The following ZNF560 variants were observed in gnomAD, a reference collection of about 807,000 sequenced individuals.
ZNF560 encodes the protein zinc finger protein 560.
ZNF560 carries 54 observed loss-of-function variants against 81.8 expected under a neutral mutation model. The ratio of observed to expected loss-of-function variants is 0.66; its 90% CI spans 0.53 to 0.83. The LOEUF (loss-of-function observed/expected upper bound fraction) is 0.83. Ranked by LOEUF, ZNF560 falls within the 40% of genes least tolerant of loss-of-function variation. ZNF560 has a pLI of 0.00. For missense variants in ZNF560, 940 were observed against 932.4 expected (o/e 1.01, Z -0.11); for synonymous variants, 321 against 317.9 (o/e 1.01, Z -0.10).
At chr19:9,506,484 G>C in the ZNF560 span, among the ~76,000 whole-genome samples, 1 of 127,498 alleles carries the variant, frequency 7.8e-6, no homozygotes, top group African/African-American at 2.9e-5. Context: ...AATTTTTATT[G>C]ATTTTTAAAA....
At position 9,470,395 on chromosome 19, in the gene ZNF560, C is replaced by T. The variant is rs767708391; in HGVS notation, c.445G>A (p.Val149Ile). ...MLENYKNLSS[V>I]GYQLFKPSLI... ...CAAGGGATGATGCCAGACTTACCTA[C>T]TGAGGACAGGTTCTTGTAGTTCTCC... The change falls in exon 7 of 10, where the codon GTA becomes ATA. Residue 149 changes from valine to isoleucine, a missense_variant. Physicochemically the swap from Val to Ile is conservative, Grantham distance 29. Transcript: ENST00000301480. 14 of 1,610,334 alleles carry T rather than the reference C, an allele frequency of 8.7e-6. No homozygotes were observed. Among genetic ancestry groups the T allele is most frequent in the Admixed American group, 1.7e-5 (1 of 59,596 alleles).
intron 2 of ZNF560, among the ~76,000 whole-genome samples, chr19:9,482,016 A>G (rs1190398022): frequency 6.6e-6 from 1 of 152,244 alleles, no homozygotes; most frequent in Non-Finnish European, 1.5e-5. Flanking sequence ...AAACACTTGG[A>G]ACCAACCCAA....
intron 2 of ZNF560, among the ~76,000 whole-genome samples, chr19:9,492,409 G>A (rs1352224995): frequency 6.6e-6 from 1 of 152,164 alleles, no homozygotes; most frequent in Non-Finnish European, 1.5e-5. Context: ...GATTTGTATA[G>A]AGGCAGATTT....
chr19:9,458,718 A>C, the ZNF560 span, among the ~76,000 whole-genome samples: 4 of 152,212 alleles, frequency 2.6e-5, no homozygotes, highest in Non-Finnish European at 5.9e-5. Flanking sequence ...TGCAATATCT[A>C]ATGCTAGACA....
chr19:9,483,453 G>A (rs1359874176), intron 2 of ZNF560, among the ~76,000 whole-genome samples: 13 of 151,104 alleles, frequency 8.6e-5, no homozygotes, highest in Admixed American at 5.3e-4. Context: ...GAAGTGAGGA[G>A]CGTCTCCGCC....
Position 9,485,161 on chromosome 19 carries a change from T to C in ZNF560, c.-56-9792A>G, listed in dbSNP as rs10405592. On this transcript the variant is annotated intron_variant, in intron 2 of 9. Transcript: ENST00000301480. The stretch of plus-strand genomic sequence containing the variant: ...CTTCATGGCTGAATTATATAAGACA[T>C]CTAAGAATATCTAAACCAATCCTTC... Among the ~76,000 whole-genome samples the C allele has an allele frequency of 7.3e-3, 1,112 of 152,220 alleles. 12 individuals carry two copies. Among genetic ancestry groups the C allele is most frequent in the African/African-American group, 0.026 (1,076 of 41,524 alleles).
chr19:9,482,114 G>A (rs1341408773), intron 2 of ZNF560, among the ~76,000 whole-genome samples: 1 of 152,150 alleles, frequency 6.6e-6, no homozygotes, highest in African/African-American at 2.4e-5. Context: ...ATGAGTTCAT[G>A]TCCTTTGTAG....
In ZNF560 at chr19:9,468,264, C is replaced by T; in HGVS notation, c.683G>A (p.Cys228Tyr). ...TTGAGTACTCATGTTGGTCTTAAGGCATGGATGTTTACAGAAGACATCTTC... is the reference window on the plus strand; with the variant it reads ...TTGAGTACTCATGTTGGTCTTAAGGTATGGATGTTTACAGAAGACATCTTC... The part of the protein sequence containing the change: ...QCEDVFCKHP[C>Y]LKTNMSTQNR... The change falls in exon 10 of 10, where the codon TGC (cysteine) becomes TAC (tyrosine). Residue 228 changes from cysteine (C) to tyrosine (Y), a missense_variant. Cys to Tyr is a radical substitution (Grantham distance 194, BLOSUM62 -2). Coordinates refer to ENST00000301480, the MANE Select transcript of ZNF560 (RefSeq NM_152476.3). 6.2e-7 allele frequency: 1 copy of T among 1,613,708 alleles called. No individual in the cohort carries two copies. The highest frequency in any genetic ancestry group is 8.5e-7 in the Non-Finnish European group (1 of 1,179,894).
chr19:9,457,346 TAGCTC>T, the ZNF560 span, among the ~76,000 whole-genome samples: 5 of 152,218 alleles, frequency 3.3e-5, no homozygotes, highest in African/African-American at 4.8e-5. Flanking sequence ...ACTATCCCCT[TAGCTC>T]AGCAGGACTG....
chr19:9,486,286 G>A (rs2073383582), intron 2 of ZNF560, among the ~76,000 whole-genome samples: 1 of 152,100 alleles, frequency 6.6e-6, no homozygotes, highest in Non-Finnish European at 1.5e-5. Flanking sequence ...AAGACTCTTG[G>A]CCAACACTCG....
At chr19:9,504,224 C>A in the ZNF560 span, among the ~76,000 whole-genome samples, 1 of 152,044 alleles carries the variant, frequency 6.6e-6, no homozygotes, top group East Asian at 1.9e-4. Context: ...CATTTGAGGT[C>A]AGGAGTTGGA....
chr19:9,477,200 T>C (rs2073216048), intron 2 of ZNF560, among the ~76,000 whole-genome samples: 1 of 152,152 alleles, frequency 6.6e-6, no homozygotes, highest in Non-Finnish European at 1.5e-5. Context: ...TACACATACA[T>C]ATGTGCATAT....
the ZNF560 span, among the ~76,000 whole-genome samples, chr19:9,504,884 A>G: frequency 6.6e-6 from 1 of 152,170 alleles, no homozygotes; most frequent in Non-Finnish European, 1.5e-5. Flanking sequence ...CAAGAGATTG[A>G]GACCATCCTG....
At chr19:9,455,137 C>A in the ZNF560 span, among the ~76,000 whole-genome samples, 9 of 152,152 alleles carry the variant, frequency 5.9e-5, no homozygotes, top group African/African-American at 2.2e-4. Flanking sequence ...TGGAAGTTCC[C>A]TGTTAGGATA....
At chr19:9,474,813 C>T (rs576460762) in intron 3 of ZNF560, among the ~76,000 whole-genome samples, 1 of 147,524 alleles carries the variant, frequency 6.8e-6, no homozygotes, top group South Asian at 2.2e-4. Flanking sequence ...CATGCACCAC[C>T]ATGCCTGGCA....
At chr19:9,461,393 G>T (rs1454591532), downstream of ZNF560, among the ~76,000 whole-genome samples, 1 of 152,054 alleles carries the variant, frequency 6.6e-6, no homozygotes, top group East Asian at 1.9e-4. Flanking sequence ...TCCCATCCTT[G>T]GGAACCCTCT....
chr19:9,463,747 A>T (rs2072971792), downstream of ZNF560, among the ~76,000 whole-genome samples: 1 of 152,208 alleles, frequency 6.6e-6, no homozygotes, highest in Admixed American at 6.5e-5. Flanking sequence ...CAATGGCACG[A>T]TCTGAGCTCA....
At chr19:9,455,259 G>A in the ZNF560 span, among the ~76,000 whole-genome samples, 3 of 152,140 alleles carry the variant, frequency 2.0e-5, no homozygotes, top group Non-Finnish European at 2.9e-5. Flanking sequence ...TTCTCCTTTC[G>A]TGATGGGTCT....
intron 3 of ZNF560, among the ~76,000 whole-genome samples, chr19:9,474,825 T>A (rs921236506): frequency 7.0e-4 from 73 of 104,136 alleles, no homozygotes; most frequent in South Asian, 3.0e-3. Flanking sequence ...TGCCTGGCAT[T>A]TTTTTTTTTT....
Sources: allele counts gnomAD v4.1 joint callset (sites outside exome capture counted in the v4.1 genomes callset), GRCh38; gene constraint gnomAD v4.1.1; transcripts MANE v1.5; gene names NCBI Gene and HGNC (gene_info 2026-07-23, HGNC 2026-07-21).